MTA3: variants seen among roughly 807,000 people sequenced by gnomAD.
MTA3 encodes the protein metastasis associated 1 family member 3, also known as metastasis-associated protein MTA3.
MTA3 carries 34 observed loss-of-function variants against 83.5 expected under a neutral mutation model. The observed-to-expected ratio is 0.41, with a 90% confidence interval of 0.31 to 0.54. MTA3 has a LOEUF of 0.54. MTA3 is among the 20% of genes least tolerant of loss of function. The pLI, the probability that MTA3 is intolerant of heterozygous loss-of-function variation, is 0.33. For synonymous variants in MTA3, 303 were observed against 252.7 expected, an observed-to-expected ratio of 1.20 and a Z score of -1.89; for missense variants, 761 against 726.4, an observed-to-expected ratio of 1.05 and a Z score of -0.55.
chr2:42,571,381 T>C (rs989286875), intron 2 of MTA3, among the ~76,000 whole-genome samples: 3 of 99,364 alleles, frequency 3.0e-5, no homozygotes, highest in African/African-American at 8.7e-5. Flanking sequence ...AGCAAAACAC[T>C]GTCTCAAAAA....
At chr2:42,640,612 A>C (rs1687614244) in intron 5 of MTA3, among the ~76,000 whole-genome samples, 1 of 152,176 alleles carries the variant, frequency 6.6e-6, no homozygotes, top group African/African-American at 2.4e-5. Flanking sequence ...GACTGTTTCC[A>C]GATGAGATTT....
intron 2 of MTA3, among the ~76,000 whole-genome samples, chr2:42,543,647 A>ATT (rs57792480): frequency 1.2e-4 from 14 of 115,092 alleles, no homozygotes; most frequent in East Asian, 4.8e-4. Context: ...GAGGTTACTG[A>ATT]TTTTTTTTTT....
intron 3 of MTA3, among the ~76,000 whole-genome samples, chr2:42,595,211 G>T (rs1181599465): frequency 7.3e-6 from 1 of 137,712 alleles, no homozygotes; most frequent in Non-Finnish European, 1.5e-5. Flanking sequence ...CCAGGTTCAC[G>T]CCATTCTCCT....
intron 4 of MTA3, among the ~76,000 whole-genome samples, chr2:42,614,546 ATTTC>A (rs1684621991): frequency 6.6e-6 from 1 of 152,148 alleles, no homozygotes; most frequent in Non-Finnish European, 1.5e-5. Flanking sequence ...TTATGTAGCT[ATTTC>A]TTTTATCTCA....
chr2:42,616,265 G>T (rs1684874346), intron 4 of MTA3, among the ~76,000 whole-genome samples: 1 of 152,052 alleles, frequency 6.6e-6, no homozygotes, highest in African/African-American at 2.4e-5. Flanking sequence ...GTTTCACCAT[G>T]TTGGCCAGGC....
intron 8 of MTA3, among the ~76,000 whole-genome samples, chr2:42,667,000 C>A (rs1399763883): frequency 6.6e-6 from 1 of 151,946 alleles, no homozygotes; most frequent in Non-Finnish European, 1.5e-5. Context: ...TTATTATATC[C>A]CCAGAGCTGT....
intron 15 of MTA3, among the ~76,000 whole-genome samples, 174 bp from the exon 16 acceptor site, chr2:42,722,715 C>CA (rs1182003746): frequency 7.9e-5 from 12 of 152,156 alleles, no homozygotes; most frequent in Non-Finnish European, 1.5e-4. Context: ...ACTTGATAAG[C>CA]AAAGCCATGG....
chr2:42,699,492 T>C (rs78954217), intron 11 of MTA3, among the ~76,000 whole-genome samples: 4,965 of 152,246 alleles, frequency 0.033, 156 homozygotes, highest in East Asian at 0.16. Context: ...TGCTATATGT[T>C]GGGAAATGGT....
chr2:42,753,218 C>T (rs550498704), intron 16 of MTA3, among the ~76,000 whole-genome samples, 156 bp from the exon 17 acceptor site: 2 of 152,358 alleles, frequency 1.3e-5, no homozygotes, highest in African/African-American at 2.4e-5. Flanking sequence ...CATGAGCCAC[C>T]ACACCTGGCC....
intron 2 of MTA3, among the ~76,000 whole-genome samples, chr2:42,500,393 C>G (rs1331137824): frequency 2.0e-5 from 3 of 151,484 alleles, no homozygotes; most frequent in Non-Finnish European, 4.4e-5. Flanking sequence ...AGTGAGATTC[C>G]ATCTCAAAAA....
chr2:42,747,229 A>G (rs558194447), intron 16 of MTA3, among the ~76,000 whole-genome samples: 6 of 152,018 alleles, frequency 3.9e-5, no homozygotes, highest in African/African-American at 1.4e-4. Flanking sequence ...TGAACTCCTG[A>G]CCTCAGGTTA....
At chr2:42,601,145 T>G (rs768593265) in intron 3 of MTA3, among the ~76,000 whole-genome samples, 15 of 152,172 alleles carry the variant, frequency 9.9e-5, no homozygotes, top group Non-Finnish European at 1.8e-4. Flanking sequence ...GATCTCACGA[T>G]CTACCCGCCT....
At chr2:42,544,304 G>A (rs1349604047) in intron 2 of MTA3, among the ~76,000 whole-genome samples, 1 of 151,818 alleles carries the variant, frequency 6.6e-6, no homozygotes, top group Non-Finnish European at 1.5e-5. Context: ...AAATTAGCTA[G>A]GCATGGTGGC....
chr2:42,597,478 T>C (rs1558476863), intron 3 of MTA3, among the ~76,000 whole-genome samples: 1 of 136,704 alleles, frequency 7.3e-6, no homozygotes, highest in Non-Finnish European at 1.6e-5. Flanking sequence ...CCCCACCTCC[T>C]GGGTTCAAGC....
chr2:42,617,449 T>C (rs1573310860), intron 4 of MTA3, among the ~76,000 whole-genome samples: 1 of 152,216 alleles, frequency 6.6e-6, no homozygotes, highest in South Asian at 2.1e-4. Context: ...GCAAATGTTA[T>C]CTTTATACTT....
intron 2 of MTA3, among the ~76,000 whole-genome samples, chr2:42,524,526 A>G (rs532965364): frequency 8.0e-6 from 1 of 124,722 alleles, no homozygotes; most frequent in East Asian, 2.3e-4. Context: ...GGGTTTCACC[A>G]TGTTAGCCAG....
intron 16 of MTA3, among the ~76,000 whole-genome samples, chr2:42,749,254 C>G (rs772442800): frequency 6.6e-6 from 1 of 152,224 alleles, no homozygotes; most frequent in African/African-American, 2.4e-5. Context: ...ACCTCTGGTT[C>G]CTCAGCCTAG....
intron 4 of MTA3, among the ~76,000 whole-genome samples, chr2:42,635,661 TG>T (rs1176732198): frequency 6.6e-6 from 1 of 151,888 alleles, no homozygotes; most frequent in Non-Finnish European, 1.5e-5. Context: ...TTGTGGCAAA[TG>T]TAAGACTTGT....
intron 2 of MTA3, among the ~76,000 whole-genome samples, chr2:42,577,103 A>ATATATAT (rs751491575): frequency 4.1e-5 from 3 of 73,604 alleles, no homozygotes; most frequent in African/African-American, 1.9e-4. Flanking sequence ...AAAAAAAAAA[A>ATATATAT]AAATATATAT....
Sources: gnomAD v4.1 joint callset for allele counts (sites outside exome capture counted in the v4.1 genomes callset) on GRCh38, gnomAD v4.1.1 for gene constraint, MANE v1.5 for transcripts, NCBI Gene and HGNC (gene_info 2026-07-23, HGNC 2026-07-21) for gene names.